Variants in DBR1 observed in about 807,000 individuals in gnomAD.
DBR1 encodes lariat debranching enzyme.
In DBR1, 33 loss-of-function variants were observed where a neutral mutation model predicts 45.9. The observed-to-expected ratio is 0.72, with a 90% confidence interval of 0.55 to 0.96. The LOEUF (loss-of-function observed/expected upper bound fraction) is 0.96, where lower values mean the gene tolerates loss of function less well. Among genes scored for constraint, DBR1 ranks in the 40% least tolerant of loss-of-function variants. The pLI is 0.00. For missense variants in DBR1, 619 were observed against 667.4 expected, an observed-to-expected ratio of 0.93 and a Z score of 0.80; for synonymous variants, 235 against 235.9, an observed-to-expected ratio of 1.00 and a Z score of 0.04.
chr3:138,167,272 C>T lies in DBR1; in HGVS notation c.523G>A (p.Asp175Asn). The T allele has an allele frequency of 6.2e-7, 1 of 1,611,002 alleles. No individual in the cohort carries two copies. The highest frequency in any genetic ancestry group is 8.5e-7 in the Non-Finnish European group (1 of 1,179,136). The change falls in exon 5 of 8, where the codon GAT becomes AAT. Residue 175 changes from aspartate (D) to asparagine (N), a missense_variant. Asp to Asn is a conservative substitution (Grantham distance 23). This residue lies in a region of DBR1 where 430 missense variants were observed against 447.7 expected (regional missense o/e 0.96). Coordinates refer to ENST00000260803, the MANE Select transcript of DBR1 (RefSeq NM_016216.4). ...KQPIDIFLSH[D>N]WPRSIYHYGN... ...TAATGATATATACTTCTTGGCCAAT[C>T]ATGAGACAAGAATATATCTATAGGC...
intron 2 of DBR1, 33 bp downstream of exon 2, chr3:138,173,467 AGG>A: frequency 6.2e-7 from 1 of 1,610,120 alleles, no homozygotes; most frequent in South Asian, 1.1e-5. Context: ...CTTCCATCCC[AGG>A]AAAAAAAAGT....
At chr3:138,167,442 C>T (rs1399828779) in intron 4 of DBR1, 137 bp from the exon 5 acceptor site, 2 of 647,962 alleles carry the variant, frequency 3.1e-6, no homozygotes, top group Admixed American at 6.4e-5. Flanking sequence ...ATTCTAAGGA[C>T]ACTTTAAGAG....
intron 7 of DBR1, 149 bp from the exon 8 acceptor site, chr3:138,162,731 AC>A: frequency 1.4e-6 from 1 of 717,676 alleles, no homozygotes; most frequent in Non-Finnish European, 2.2e-6. Context: ...TTAGCAAAGG[AC>A]CATTTAGAAA....
chr3:138,163,096 A>C (rs1221324433), intron 7 of DBR1, among the ~76,000 whole-genome samples: 1 of 152,160 alleles, frequency 6.6e-6, no homozygotes, highest in East Asian at 1.9e-4. Context: ...CATCTCTACC[A>C]AAAATACCAA....
Position 138,167,176 on chromosome 3 carries a change from T to C in DBR1, c.619A>G (p.Ser207Gly). 1 of 1,614,204 alleles carries C rather than the reference T, an allele frequency of 6.2e-7. No homozygotes were observed. The highest frequency in any genetic ancestry group is 2.2e-5 in the East Asian group (1 of 44,874). Residue 207 changes from serine (S) to glycine (G), a missense_variant, in exon 5 of 8, where the codon AGT becomes GGT. Physicochemically the swap from Ser to Gly is moderately conservative, Grantham distance 56. Transcript: ENST00000260803. The part of the protein sequence containing the change: ...RQEVENNTLG[S>G]PAASELLEHL... The stretch of plus-strand genomic sequence containing the variant: ...TCTAAAAGCTCTGAGGCAGCTGGAC[T>C]TCCTAATGTGTTATTTTCCACTTCT...
At chr3:138,168,394 C>T (rs898191717) in intron 4 of DBR1, among the ~76,000 whole-genome samples, 1 of 150,750 alleles carries the variant, frequency 6.6e-6, no homozygotes, top group African/African-American at 2.4e-5. Context: ...GTGGTGGGCG[C>T]CTGTAATCCC....
At chr3:138,163,307 C>A (rs770541676) in intron 7 of DBR1, 42 bp downstream of exon 7, 4 of 1,595,418 alleles carry the variant, frequency 2.5e-6, no homozygotes, top group African/African-American at 1.3e-5. Context: ...AAAAATTATG[C>A]ATGCAATGGA....
At chr3:138,165,986 A>G (rs1175060516) in intron 5 of DBR1, among the ~76,000 whole-genome samples, 2 of 152,226 alleles carry the variant, frequency 1.3e-5, no homozygotes, top group African/African-American at 4.8e-5. Flanking sequence ...GTATAGGTAT[A>G]TTTTCAGACA....
chr3:138,163,158 G>A (rs1050652837), intron 7 of DBR1, among the ~76,000 whole-genome samples, 191 bp downstream of exon 7: 5 of 152,208 alleles, frequency 3.3e-5, no homozygotes, highest in Non-Finnish European at 7.3e-5. Flanking sequence ...TACTCTGGGG[G>A]CAGAGGTGGG....
intron 4 of DBR1, among the ~76,000 whole-genome samples, chr3:138,168,948 G>T (rs1198988288): frequency 6.6e-6 from 1 of 151,888 alleles, no homozygotes; most frequent in Non-Finnish European, 1.5e-5. Context: ...GGGTGACAGA[G>T]TGAGACCTTG....
chr3:138,171,475 CA>C (rs906867666), intron 3 of DBR1, 157 bp downstream of exon 3: 5,314 of 69,332 alleles, frequency 0.077, no homozygotes, highest in South Asian at 0.12. Flanking sequence ...AACTCTGTCT[CA>C]AAAAAAAAAA....
chr3:138,170,256 T>A (rs1197824943), intron 3 of DBR1, 64 bp from the exon 4 acceptor site: 18 of 992,128 alleles, frequency 1.8e-5, no homozygotes, highest in Non-Finnish European at 2.4e-5. Flanking sequence ...TACAAAGACA[T>A]ATACACAGGT....
chr3:138,173,475 A>C, intron 2 of DBR1, 27 bp downstream of exon 2: 1 of 1,611,738 alleles, frequency 6.2e-7, no homozygotes, highest in Non-Finnish European at 8.5e-7. Flanking sequence ...CCAGGAAAAA[A>C]AAGTATCCAC....
chr3:138,167,297 C>A lies in DBR1; in HGVS notation c.498G>T (p.Gln166His). 6.3e-7 allele frequency: 1 copy of A among 1,590,470 alleles called. No homozygotes were observed. The highest frequency in any genetic ancestry group is 1.9e-5 in the Admixed American group (1 of 52,558). The change falls in exon 5 of 8, where the codon CAG (glutamine) becomes CAT (histidine). Residue 166 changes from glutamine (Q) to histidine (H), a missense_variant. Gln to His is a conservative substitution (Grantham distance 24, BLOSUM62 0). This residue lies in a region of DBR1 where 430 missense variants were observed against 447.7 expected (regional missense o/e 0.96). Transcript: ENST00000260803. ...IEVYKLKQLK[Q>H]PIDIFLSHDW... Reference sequence around the variant, plus strand: ...CATGAGACAAGAATATATCTATAGGCTGCTTCAGCTTTCAAAAGAGAAAAA... The same window carrying A: ...CATGAGACAAGAATATATCTATAGGATGCTTCAGCTTTCAAAAGAGAAAAA...
chr3:138,164,340 C>T (rs2042920881), intron 5 of DBR1: 1 of 152,318 alleles, frequency 6.6e-6, no homozygotes, highest in South Asian at 2.1e-4. Context: ...AAAAGGAATG[C>T]AATATTTATA....
intron 1 of DBR1, 42 bp from the exon 2 acceptor site, chr3:138,173,668 G>T (rs1284441402): frequency 1.3e-6 from 2 of 1,538,418 alleles, no homozygotes; most frequent in Non-Finnish European, 1.7e-6. Flanking sequence ...ATTAGGCATA[G>T]CAGAAAAGCA....
In DBR1 at chr3:138,162,495, T is replaced by TA. The variant is rs766598896; in HGVS notation, c.1028dup (p.Thr344AsnfsTer6). On this transcript the variant is annotated frameshift_variant, in exon 8 of 8. Transcript: ENST00000260803. LOFTEE classifies it high-confidence loss of function. The stretch of plus-strand genomic sequence containing the variant: ...TGCTAGGATCATAACAAGCAGCTGT[T>TA]ACACTAAAGTTACATGGAACCTTGA... The TA allele has an allele frequency of 3.1e-6, 5 of 1,614,142 alleles. No homozygotes were observed. The highest frequency in any genetic ancestry group is 3.4e-6 in the Non-Finnish European group (4 of 1,179,994).
rs1467610282 is a variant in DBR1 at position 138,162,266 on chromosome 3, C to T, written c.1258G>A (p.Ala420Thr). ...DQSEYNTDTS[A>T]LSSINPDEIM... ...TCATCTGGATTAATAGAAGACAGAG[C>T]AGATGTGTCTGTATTATATTCACTC... The change falls in exon 8 of 8, where the codon GCT becomes ACT. Residue 420 changes from alanine to threonine, a missense_variant. By Grantham distance (58) the Ala-to-Thr change is moderately conservative. Transcript: ENST00000260803. 9.9e-6 allele frequency: 16 copies of T among 1,613,854 alleles called. No homozygotes were observed. The highest frequency in any genetic ancestry group is 1.0e-5 in the Non-Finnish European group (12 of 1,179,714).
chr3:138,163,357 C>T lies in DBR1; in HGVS notation c.933G>A (p.Leu311=). Residue 311 remains leucine (L), a synonymous_variant, in exon 7 of 8, where the codon CTG becomes CTA. Coordinates refer to ENST00000260803, the MANE Select transcript of DBR1 (RefSeq NM_016216.4). Reference sequence around the variant, plus strand: ...AATAAAGTCTGACTTACCTTGCATGCAGGCCATTATTTTCTGGCATATTCC... The same window carrying T: ...AATAAAGTCTGACTTACCTTGCATGTAGGCCATTATTTTCTGGCATATTCC... ...RLWNMPENNG[L]HARWDYSATE... is the part of the protein sequence containing the mutation. The T allele has an allele frequency of 6.2e-7, 1 of 1,613,140 alleles. No homozygotes were observed. The highest frequency in any genetic ancestry group is 8.5e-7 in the Non-Finnish European group (1 of 1,179,556).
Sources: gnomAD v4.1 joint callset for allele counts (sites outside exome capture counted in the v4.1 genomes callset) on GRCh38, gnomAD v4.1.1 for gene constraint, gnomAD v4.1.1 regional missense constraint, MANE v1.5 for transcripts, NCBI Gene and HGNC (gene_info 2026-07-23, HGNC 2026-07-21) for gene names.